The following SYT1 variants were observed in gnomAD, a reference collection of about 807,000 sequenced individuals.
SYT1 encodes synaptotagmin-1.
SYT1 carries 8 observed loss-of-function variants against 44.8 expected under a neutral mutation model. That is an observed-to-expected ratio of 0.18 (90% CI 0.10 to 0.32). The LOEUF (loss-of-function observed/expected upper bound fraction) is 0.32, where lower values mean the gene tolerates loss of function less well. Among genes scored for constraint, SYT1 ranks in the 10% least tolerant of loss-of-function variants. The probability of loss-of-function intolerance (pLI) is 1.00; values close to 1 mark genes in which losing one functional copy is unlikely to be tolerated. For missense variants in SYT1, 286 were observed against 509.3 expected (o/e 0.56, Z 4.22); for synonymous variants, 154 against 188.8 (o/e 0.82, Z 1.51).
intron 9 of SYT1, among the ~76,000 whole-genome samples, chr12:79,441,114 A>T (rs982801300): frequency 6.6e-6 from 1 of 152,194 alleles, no homozygotes; most frequent in Non-Finnish European, 1.5e-5. Context: ...TTATCGAGGC[A>T]CAAAAGCTGA....
At chr12:79,094,585 A>C (rs1877998685) in intron 3 of SYT1, among the ~76,000 whole-genome samples, 2 of 151,888 alleles carry the variant, frequency 1.3e-5, no homozygotes, top group Non-Finnish European at 2.9e-5. Context: ...AAACTCACCA[A>C]TTTATGAAGT....
intron 4 of SYT1, among the ~76,000 whole-genome samples, chr12:79,241,659 GA>G (rs568312083): frequency 6.6e-6 from 1 of 151,842 alleles, no homozygotes; most frequent in South Asian, 2.1e-4. Context: ...GGTGAAAACA[GA>G]AAAAAAATGT....
intron 4 of SYT1, among the ~76,000 whole-genome samples, chr12:79,218,268 T>A (rs1001997041): frequency 6.6e-6 from 1 of 152,194 alleles, no homozygotes; most frequent in African/African-American, 2.4e-5. Flanking sequence ...ATCATACTAT[T>A]GTACAACATG....
intron 9 of SYT1, among the ~76,000 whole-genome samples, chr12:79,391,972 G>C (rs200519652): frequency 0.86 from 130,702 of 151,958 alleles, 59,236 homozygotes; most frequent in East Asian, 1. Flanking sequence ...AATTCATATT[G>C]TAAACCTTAG....
At chr12:78,994,023 A>G (rs745905941) in intron 2 of SYT1, among the ~76,000 whole-genome samples, 49 of 152,242 alleles carry the variant, frequency 3.2e-4, no homozygotes, top group Non-Finnish European at 1.5e-4. Context: ...TCCATTGCCT[A>G]CAAAGTGACC....
Position 79,353,579 on chromosome 12 carries a change from G to A in SYT1, c.888G>A (p.Glu296=), listed in dbSNP as rs372394655. The A allele has an allele frequency of 3.8e-5, 61 of 1,613,982 alleles. No homozygotes were observed. Among genetic ancestry groups the A allele is most frequent in the Admixed American group, 8.3e-5 (5 of 60,002 alleles). Residue 296 remains glutamate (E), a synonymous_variant, in exon 9 of 11, where the codon GAG becomes GAA. Coordinates refer to ENST00000261205, the MANE Select transcript of SYT1 (RefSeq NM_005639.3). The part of the protein sequence containing the change: ...TAGKLTVVIL[E]AKNLKKMDVG... ...GTAAGCTGACTGTTGTCATTCTGGA[G>A]GCAAAGAACCTGAAGAAGATGGATG... is the stretch of plus-strand genomic sequence containing the variant.
intron 1 of SYT1, among the ~76,000 whole-genome samples, chr12:78,906,911 A>T (rs1876018001): frequency 6.6e-6 from 1 of 152,180 alleles, no homozygotes; most frequent in African/African-American, 2.4e-5. Context: ...AAGAAAATTA[A>T]GACTTCATAA....
At chr12:78,868,684 A>G (rs1042970309) in intron 1 of SYT1, 1 of 151,982 alleles carries the variant, frequency 6.6e-6, no homozygotes, top group Non-Finnish European at 1.5e-5. Context: ...TGCTGAAACT[A>G]GGGGCTATTC....
intron 2 of SYT1, among the ~76,000 whole-genome samples, chr12:79,037,826 C>T (rs948662842): frequency 6.6e-6 from 1 of 151,710 alleles, no homozygotes; most frequent in Non-Finnish European, 1.5e-5. Flanking sequence ...CTTTCACTAC[C>T]TAATACTCTT....
chr12:79,239,970 T>A (rs1305295970), intron 4 of SYT1, among the ~76,000 whole-genome samples: 1 of 152,228 alleles, frequency 6.6e-6, no homozygotes, highest in Non-Finnish European at 1.5e-5. Flanking sequence ...GCAACTGGGC[T>A]CACCCAGGAC....
At chr12:79,147,521 C>A (rs1486149780) in intron 3 of SYT1, among the ~76,000 whole-genome samples, 1 of 152,038 alleles carries the variant, frequency 6.6e-6, no homozygotes, top group African/African-American at 2.4e-5. Context: ...ATGTTCGTTA[C>A]AATAATTGTA....
At chr12:78,906,892 G>T (rs914109482) in intron 1 of SYT1, among the ~76,000 whole-genome samples, 4 of 152,032 alleles carry the variant, frequency 2.6e-5, no homozygotes, top group Non-Finnish European at 4.4e-5. Context: ...GCTATATCTT[G>T]TGCATACAAA....
At chr12:79,046,462 G>A (rs1171932656) in intron 2 of SYT1, 1 of 152,078 alleles carries the variant, frequency 6.6e-6, no homozygotes, top group Non-Finnish European at 1.5e-5. Flanking sequence ...GTACTTGTCT[G>A]TAGCATCATG....
intron 3 of SYT1, among the ~76,000 whole-genome samples, chr12:79,108,131 A>T (rs891269818): frequency 6.6e-6 from 1 of 151,986 alleles, no homozygotes; most frequent in Non-Finnish European, 1.5e-5. Flanking sequence ...AAAGATGAAG[A>T]TATGCACCAA....
chr12:79,013,636 A>C (rs1267618889), intron 2 of SYT1, among the ~76,000 whole-genome samples: 1 of 152,198 alleles, frequency 6.6e-6, no homozygotes, highest in African/African-American at 2.4e-5. Context: ...GGAGGTCTTA[A>C]TAAAAATATC....
At chr12:79,399,074 G>A (rs899332689) in intron 9 of SYT1, among the ~76,000 whole-genome samples, 1 of 152,128 alleles carries the variant, frequency 6.6e-6, no homozygotes, top group African/African-American at 2.4e-5. Context: ...ACATAGTCCA[G>A]TATTGTTGTC....
In SYT1 at chr12:79,349,606, T is replaced by A. The variant is rs75334706; in HGVS notation, c.811-3896T>A. On this transcript the variant is annotated intron_variant, in intron 8 of 10. Coordinates refer to ENST00000261205, the MANE Select transcript of SYT1 (RefSeq NM_005639.3). Reference sequence around the variant, plus strand: ...CATAACAGTACCTCGTTCACAGGGCTATTCTAGAAAAAAGTAGACAAAATT... The same window carrying A: ...CATAACAGTACCTCGTTCACAGGGCAATTCTAGAAAAAAGTAGACAAAATT... 3.2e-3 allele frequency among the ~76,000 whole-genome samples: 480 copies of A among 152,228 alleles called. 4 individuals are homozygous for A. Among genetic ancestry groups the A allele is most frequent in the African/African-American group, 9.7e-3 (403 of 41,516 alleles).
intron 2 of SYT1, among the ~76,000 whole-genome samples, chr12:79,034,036 T>C (rs1326607094): frequency 3.3e-5 from 5 of 151,500 alleles, no homozygotes; most frequent in Non-Finnish European, 7.4e-5. Context: ...GAACTTCTCA[T>C]AAATTTATCC....
At chr12:79,045,042 T>TTTAA (rs1565779066) in intron 2 of SYT1, among the ~76,000 whole-genome samples, 1 of 152,038 alleles carries the variant, frequency 6.6e-6, no homozygotes, top group African/African-American at 2.4e-5. Context: ...GACAGGGACA[T>TTTAA]TTAAGTCTGC....
Sources: gnomAD v4.1 joint callset for allele counts (sites outside exome capture counted in the v4.1 genomes callset) on GRCh38, gnomAD v4.1.1 for gene constraint, MANE v1.5 for transcripts, NCBI Gene and HGNC (gene_info 2026-07-23, HGNC 2026-07-21) for gene names.